Variants in GSPT1 observed in about 807,000 individuals in gnomAD.
GSPT1 encodes the protein G1 to S phase transition 1.
A neutral mutation model predicts 72.5 loss-of-function variants in GSPT1; 20 were observed. That is an observed-to-expected ratio of 0.28 (90% CI 0.19 to 0.40). The LOEUF is 0.40. Ranked by LOEUF, GSPT1 falls within the 10% of genes least tolerant of loss-of-function variation. The probability of loss-of-function intolerance (pLI) is 1.00; values close to 1 mark genes in which losing one functional copy is unlikely to be tolerated. For missense variants in GSPT1, 580 were observed against 811.9 expected, an observed-to-expected ratio of 0.71 and a Z score of 3.47; for synonymous variants, 334 against 293.5, an observed-to-expected ratio of 1.14 and a Z score of -1.41.
intron 3 of GSPT1, 22 bp downstream of exon 3, chr16:11,897,818 A>G: frequency 2.3e-6 from 3 of 1,305,160 alleles, no homozygotes; most frequent in South Asian, 1.3e-5. Context: ...TACTGTATTA[A>G]TATGGTCAGA....
In GSPT1 at chr16:11,873,007, C is replaced by G; in HGVS notation, c.*112G>C. ...ACTTTTGCTGTGAATTTCCTCTTTGCAAAATATGGGGAGAGGTTTATCAAT... is the reference window on the plus strand; with the variant it reads ...ACTTTTGCTGTGAATTTCCTCTTTGGAAAATATGGGGAGAGGTTTATCAAT... On this transcript the variant is annotated 3_prime_UTR_variant, in exon 15 of 15. Transcript: ENST00000434724. The G allele has an allele frequency of 1.6e-6, 1 of 644,820 alleles. No individual in the cohort carries two copies. The highest frequency in any genetic ancestry group is 2.2e-5 in the South Asian group (1 of 46,046). 39.9% of individuals were successfully genotyped at this position (644,820 alleles called of 1,614,324 possible).
intron 14 of GSPT1, among the ~76,000 whole-genome samples, chr16:11,874,960 G>C (rs896824818): frequency 1.1e-4 from 17 of 152,246 alleles, no homozygotes; most frequent in Non-Finnish European, 2.4e-4. Context: ...GGGAGGCCAA[G>C]GCGGGCGGAT....
intron 5 of GSPT1, among the ~76,000 whole-genome samples, chr16:11,893,263 G>A (rs2043456222): frequency 6.6e-6 from 1 of 151,950 alleles, no homozygotes; most frequent in Non-Finnish European, 1.5e-5. Flanking sequence ...AACACAGCGA[G>A]ACCCTGTCTC....
At position 11,885,321 on chromosome 16, in the gene GSPT1, CA is replaced by C. The variant is rs763059938; in HGVS notation, c.1254-48del. 1.0e-5 allele frequency: 9 copies of C among 901,436 alleles called. No homozygotes were observed. In the South Asian group the frequency reaches 1.2e-4, roughly 12 times the overall value. 55.8% of individuals were successfully genotyped at this position (901,436 alleles called of 1,614,324 possible). A position where few individuals can be genotyped will look rare whatever the true frequency, so the allele number is the denominator to read the frequency against. ...CATTAAAGGAAGTCAACATAAATATCAAAATGTTAAGTTACATGACTATAAA... is the reference window on the plus strand; with the variant it reads ...CATTAAAGGAAGTCAACATAAATATCAAATGTTAAGTTACATGACTATAAA... On this transcript the variant is annotated intron_variant, in intron 9 of 14. Transcript: ENST00000434724.
intron 11 of GSPT1, among the ~76,000 whole-genome samples, chr16:11,879,400 AAAAG>A (rs964660082): frequency 1.3e-4 from 19 of 151,160 alleles, no homozygotes; most frequent in Middle Eastern, 3.4e-3. Context: ...TCTCAAAAAA[AAAAG>A]AAAGAAACAA....
intron 12 of GSPT1, among the ~76,000 whole-genome samples, chr16:11,876,611 G>A (rs1316694408): frequency 6.6e-6 from 1 of 152,090 alleles, no homozygotes; most frequent in Non-Finnish European, 1.5e-5. Flanking sequence ...AGGCGTGGTG[G>A]TGGGCGCCTA....
chr16:11,915,811 G>A lies in GSPT1; in HGVS notation c.-91C>T, dbSNP rs759418406. ...GAGGAGTGGGCAACGCTGACTGAGG[G>A]AAGGCGGCGGGGCAGAAGGGCCGGG... On this transcript the variant is annotated 5_prime_UTR_variant, in exon 1 of 15. Transcript: ENST00000434724. 1.9e-6 allele frequency: 3 copies of A among 1,565,726 alleles called. No individual in the cohort carries two copies. In the East Asian group the frequency reaches 6.9e-5, roughly 36 times the overall value.
chr16:11,892,531 A>T lies in GSPT1; in HGVS notation c.699-1392T>A, dbSNP rs868257454. Among the ~76,000 whole-genome samples, 540 of 139,938 alleles carry T rather than the reference A, an allele frequency of 3.9e-3. 13 individuals are homozygous for T. Among genetic ancestry groups the T allele is most frequent in the African/African-American group, 0.014 (509 of 35,246 alleles). The allele number at this position is 139,938 out of a possible 152,430, so 91.8% of individuals were successfully genotyped here. On this transcript the variant is annotated intron_variant, in intron 5 of 14. Transcript: ENST00000434724. ...CAAAAAAACAAAAAAAACAAAAAAA[A>T]CAAAAAATAAAAAATGGCCGGGCAC...
At chr16:11,889,726 G>A (rs562411267) in intron 6 of GSPT1, among the ~76,000 whole-genome samples, 204 of 151,656 alleles carry the variant, frequency 1.3e-3, no homozygotes, top group Non-Finnish European at 2.6e-3. Context: ...GGCTGGTCTC[G>A]AACTCCTGAC....
chr16:11,893,070 G>C (rs78307183), intron 5 of GSPT1, among the ~76,000 whole-genome samples: 1,813 of 151,792 alleles, frequency 0.012, 37 homozygotes, highest in African/African-American at 0.041. Flanking sequence ...GAATATAGTA[G>C]GTTTTGTTTT....
intron 1 of GSPT1, among the ~76,000 whole-genome samples, chr16:11,911,367 A>G (rs1045484462): frequency 6.6e-6 from 1 of 152,096 alleles, no homozygotes. Context: ...AAATATATTA[A>G]AAGCCACTGA....
intron 1 of GSPT1, among the ~76,000 whole-genome samples, chr16:11,909,681 T>G (rs893345295): frequency 2.0e-5 from 3 of 152,118 alleles, no homozygotes; most frequent in Non-Finnish European, 2.9e-5. Flanking sequence ...TCCCAGCATT[T>G]TGGGAGGCCG....
In GSPT1 at chr16:11,885,193, C is replaced by G. The variant is rs770848570; in HGVS notation, c.1335G>C (p.Val445=). 6 of 1,556,268 alleles carry G rather than the reference C, an allele frequency of 3.9e-6. No homozygotes were observed. The Admixed American group carries it at 6.7e-5, about 17-fold the overall frequency. ...SVDGPIRLPI[V]DKYKDMGTVV... is the part of the protein sequence containing the mutation. ...ACATTTTGGGTACCTTGTACTTATC[C>G]ACAATTGGCAGCCTGATTGGTCCAT... Residue 445 remains valine, a synonymous_variant, in exon 10 of 15, where the codon GTG becomes GTC. Coordinates refer to ENST00000434724, the MANE Select transcript of GSPT1 (RefSeq NM_002094.4).
In GSPT1 at chr16:11,872,970, G is replaced by C. The variant is rs937108276; in HGVS notation, c.*149C>G. ...GCAGAGCTCTCAATATGAGAAAGCT[G>C]ACATAATGTGGACTTTTGCTGTGAA... On this transcript the variant is annotated 3_prime_UTR_variant, in exon 15 of 15. Transcript: ENST00000434724. The C allele has an allele frequency of 5.0e-6, 3 of 598,306 alleles. No individual in the cohort carries two copies. Among genetic ancestry groups the C allele is most frequent in the African/African-American group, 1.8e-5 (1 of 54,880 alleles). 37.1% of individuals were successfully genotyped at this position (598,306 alleles called of 1,614,324 possible). A position where few individuals can be genotyped will look rare whatever the true frequency, so the allele number is the denominator to read the frequency against.
At chr16:11,893,320 C>G (rs777648783) in intron 5 of GSPT1, among the ~76,000 whole-genome samples, 20 of 151,956 alleles carry the variant, frequency 1.3e-4, no homozygotes, top group Non-Finnish European at 2.6e-4. Context: ...AAATGAGGGT[C>G]TCACTATATT....
intron 1 of GSPT1, among the ~76,000 whole-genome samples, chr16:11,910,256 G>A (rs1017334728): frequency 6.6e-6 from 1 of 152,180 alleles, no homozygotes. Context: ...TTATGAGAGT[G>A]ACAAGACTGA....
intron 1 of GSPT1, 28 bp downstream of exon 1, chr16:11,915,341 G>T: frequency 1.4e-6 from 2 of 1,439,640 alleles, no homozygotes; most frequent in East Asian, 3.1e-5. Context: ...CGCCCGGCCG[G>T]ACTTCCTCCC....
At chr16:11,914,002 T>G (rs1018417928) in intron 1 of GSPT1, among the ~76,000 whole-genome samples, 1 of 152,200 alleles carries the variant, frequency 6.6e-6, no homozygotes, top group South Asian at 2.1e-4. Flanking sequence ...AAAGTTTCTG[T>G]AGAAACCAAA....
chr16:11,889,437 C>T (rs1251390315), intron 6 of GSPT1, among the ~76,000 whole-genome samples: 9 of 141,320 alleles, frequency 6.4e-5, no homozygotes, highest in South Asian at 2.5e-4. Flanking sequence ...TCCCAGGTTC[C>T]AGCTATTCTC....
Sources: allele counts gnomAD v4.1 joint callset (sites outside exome capture counted in the v4.1 genomes callset), GRCh38; gene constraint gnomAD v4.1.1; transcripts MANE v1.5; gene names NCBI Gene and HGNC (gene_info 2026-07-23, HGNC 2026-07-21).